The following ANO3 variants were observed in gnomAD, a reference collection of about 807,000 sequenced individuals.
The protein encoded by ANO3 is anoctamin-3.
In ANO3, 99 loss-of-function variants were observed where a neutral mutation model predicts 144.8. That is an observed-to-expected ratio of 0.68 (90% CI 0.58 to 0.81). The LOEUF (loss-of-function observed/expected upper bound fraction) is 0.81. ANO3 is among the 30% of genes least tolerant of loss of function. ANO3 has a pLI of 0.00. For synonymous variants in ANO3, 414 were observed against 392.6 expected (o/e 1.05, Z -0.64); for missense variants, 905 against 1,202.2 (o/e 0.75, Z 3.66).
At chr11:26,303,920 A>G (rs1564956943) in intron 1 of ANO3, among the ~76,000 whole-genome samples, 1 of 151,904 alleles carries the variant, frequency 6.6e-6, no homozygotes. Context: ...GGGTTTCACC[A>G]CTTTGGCGGG....
chr11:26,508,706 A>C (rs376396637), intron 5 of ANO3: 20 of 156,484 alleles, frequency 1.3e-4, no homozygotes, highest in East Asian at 1.1e-3. Context: ...GTGAAACAAT[A>C]AAAGTAGCAA....
chr11:26,199,355 T>C (rs544824682), intron 1 of ANO3, among the ~76,000 whole-genome samples: 1 of 152,122 alleles, frequency 6.6e-6, no homozygotes, highest in South Asian at 2.1e-4. Context: ...ATTTAATTTG[T>C]AGGGGGAGGA....
At chr11:26,469,376 TAG>T (rs879288289) in intron 4 of ANO3, among the ~76,000 whole-genome samples, 1 of 151,850 alleles carries the variant, frequency 6.6e-6, no homozygotes, top group Non-Finnish European at 1.5e-5. Context: ...ATGATAAAGG[TAG>T]CATTTCACAT....
chr11:26,618,043 A>T (rs1333988673), intron 17 of ANO3, among the ~76,000 whole-genome samples: 3 of 152,206 alleles, frequency 2.0e-5, no homozygotes, highest in African/African-American at 7.2e-5. Context: ...ATATGCAGCT[A>T]ATAAAATATA....
intron 5 of ANO3, among the ~76,000 whole-genome samples, chr11:26,513,115 T>A (rs966063796): frequency 2.0e-5 from 3 of 152,008 alleles, no homozygotes; most frequent in Non-Finnish European, 2.9e-5. Flanking sequence ...CGACAAGAAC[T>A]AGCAAGTGAT....
At chr11:26,419,989 A>G (rs1420653709) in intron 1 of ANO3, among the ~76,000 whole-genome samples, 2 of 152,146 alleles carry the variant, frequency 1.3e-5, no homozygotes, top group Non-Finnish European at 1.5e-5. Context: ...GTCTTAAAAC[A>G]TAATTTCATT....
At chr11:26,595,213 A>C (rs1352819971) in intron 14 of ANO3, among the ~76,000 whole-genome samples, 1 of 152,050 alleles carries the variant, frequency 6.6e-6, no homozygotes, top group African/African-American at 2.4e-5. Context: ...GCAGTCCTGC[A>C]CCCTTTTTCC....
rs10694750 is a variant in ANO3, at chr11:26,235,002, A to AAGAGAGAGAGAGAGAGAGAGAGAGAGAG, written c.154+45695_154+45696insGAGAGAGAGAGAGAGAGAGAGAGAGAGA. Among the ~76,000 whole-genome samples, 806 of 140,150 alleles carry AAGAGAGAGAGAGAGAGAGAGAGAGAGAG rather than the reference A, an allele frequency of 5.8e-3. 9 individuals are homozygous for AAGAGAGAGAGAGAGAGAGAGAGAGAGAG. The highest frequency in any genetic ancestry group is 7.8e-3 in the Non-Finnish European group (493 of 63,458). The allele number at this position is 140,150 out of a possible 152,430, so 91.9% of individuals were successfully genotyped here. On this transcript the variant is annotated intron_variant, in intron 1 of 27. Transcript: ENST00000672621. ...GTTAGACAGAGAGAGAGAGAAAAGA[A>AAGAGAGAGAGAGAGAGAGAGAGAGAGAG]AGAGAGAGAGAGAGAGAGAGAGATG... is the stretch of plus-strand genomic sequence containing the variant.
intron 14 of ANO3, among the ~76,000 whole-genome samples, chr11:26,575,632 T>C (rs1011964610): frequency 6.6e-6 from 1 of 152,156 alleles, no homozygotes; most frequent in African/African-American, 2.4e-5. Flanking sequence ...AAATATATAA[T>C]GGAAAGAAAT....
chr11:26,407,077 TA>T (rs1857307927), intron 1 of ANO3, among the ~76,000 whole-genome samples: 1 of 101,764 alleles, frequency 9.8e-6, no homozygotes, highest in African/African-American at 4.5e-5. Context: ...TGTGTGTGTG[TA>T]TATATATATA....
chr11:26,340,269 T>C (rs868450401), intron 1 of ANO3, among the ~76,000 whole-genome samples: 1 of 152,208 alleles, frequency 6.6e-6, no homozygotes, highest in South Asian at 2.1e-4. Flanking sequence ...CTAATATATT[T>C]TATATTTGGC....
At chr11:26,228,667 G>A (rs987143640) in intron 1 of ANO3, among the ~76,000 whole-genome samples, 6 of 152,218 alleles carry the variant, frequency 3.9e-5, no homozygotes, top group East Asian at 1.9e-4. Flanking sequence ...ATAATGGTCT[G>A]TCACTATCAG....
At chr11:26,553,220 T>G in intron 12 of ANO3, 29 bp from the exon 13 acceptor site, 1 of 1,170,796 alleles carries the variant, frequency 8.5e-7, no homozygotes, top group Non-Finnish European at 1.2e-6. Context: ...CTATGTTTTG[T>G]TTTGTTTTTG....
intron 1 of ANO3, among the ~76,000 whole-genome samples, chr11:26,342,093 C>CA (rs1855377506): frequency 6.6e-6 from 1 of 152,158 alleles, no homozygotes; most frequent in Non-Finnish European, 1.5e-5. Flanking sequence ...TATTAACCAT[C>CA]AAAACAGATG....
At chr11:26,193,139 T>A (rs2133904449) in intron 1 of ANO3, among the ~76,000 whole-genome samples, 1 of 133,866 alleles carries the variant, frequency 7.5e-6, no homozygotes, top group East Asian at 2.0e-4. Context: ...TGCCTATCTT[T>A]TTTTTTTTTT....
At chr11:26,375,699 G>A (rs1319107836) in intron 1 of ANO3, among the ~76,000 whole-genome samples, 1 of 152,156 alleles carries the variant, frequency 6.6e-6, no homozygotes, top group East Asian at 1.9e-4. Context: ...TGAAGAAAAG[G>A]AGAGCCAAGA....
At chr11:26,200,457 T>C (rs1157830880) in intron 1 of ANO3, among the ~76,000 whole-genome samples, 3 of 152,188 alleles carry the variant, frequency 2.0e-5, no homozygotes, top group Non-Finnish European at 2.9e-5. Flanking sequence ...ATCTGTATCT[T>C]GTGTTGTAAA....
chr11:26,270,887 A>C (rs1020418318), intron 1 of ANO3, among the ~76,000 whole-genome samples: 5 of 152,218 alleles, frequency 3.3e-5, no homozygotes, highest in African/African-American at 1.2e-4. Context: ...ATCATGAAAA[A>C]TATAGCATCA....
At chr11:26,436,189 G>A (rs1362561662) in intron 1 of ANO3, among the ~76,000 whole-genome samples, 2 of 152,182 alleles carry the variant, frequency 1.3e-5, no homozygotes, top group African/African-American at 4.8e-5. Flanking sequence ...TCTGTGCTGA[G>A]GGACCAGACC....
Sources: allele counts gnomAD v4.1 joint callset (sites outside exome capture counted in the v4.1 genomes callset), GRCh38; gene constraint gnomAD v4.1.1; transcripts MANE v1.5; gene names NCBI Gene and HGNC (gene_info 2026-07-23, HGNC 2026-07-21).